Variants in SOS2 observed in about 807,000 individuals in gnomAD.
SOS2 encodes SOS Ras/Rho guanine nucleotide exchange factor 2.
SOS2 carries 65 observed loss-of-function variants against 148.2 expected under a neutral mutation model. That is an observed-to-expected ratio of 0.44 (90% CI 0.36 to 0.54). The LOEUF (loss-of-function observed/expected upper bound fraction) is 0.54. SOS2 is among the 20% of genes least tolerant of loss of function. The probability of loss-of-function intolerance (pLI) is 0.00; values close to 1 mark genes in which losing one functional copy is unlikely to be tolerated. For synonymous variants in SOS2, 539 were observed against 537.1 expected (o/e 1.00, Z -0.05); for missense variants, 1,341 against 1,590.2 (o/e 0.84, Z 2.67).
upstream of SOS2, among the ~76,000 whole-genome samples, chr14:50,231,716 G>A (rs1887557912): frequency 6.6e-6 from 1 of 151,856 alleles, no homozygotes; most frequent in African/African-American, 2.4e-5. Context: ...TCTCCTCATC[G>A]CCTCCTCCCC....
intron 16 of SOS2, among the ~76,000 whole-genome samples, chr14:50,141,288 G>T (rs559056959): frequency 7.9e-5 from 12 of 151,476 alleles, no homozygotes; most frequent in Non-Finnish European, 1.8e-4. Flanking sequence ...GAGATGTTGG[G>T]GTGGGAGAAT....
rs1175960937 is a variant in SOS2, at chr14:50,133,249, C to CTTT, written c.3075+871_3075+873dup. ...GAACTTTTTTTCTTTTTTCTTTTTTCTTTTTTTTTTTTTTTGAGACGGGGT... is the reference window on the plus strand; with the variant it reads ...GAACTTTTTTTCTTTTTTCTTTTTTCTTTTTTTTTTTTTTTTTTGAGACGGGGT... On this transcript the variant is annotated intron_variant, in intron 19 of 22. Transcript: ENST00000216373. Among the ~76,000 whole-genome samples, 115 of 105,586 alleles carry CTTT rather than the reference C, an allele frequency of 1.1e-3. 1 individual carries two copies. Among genetic ancestry groups the CTTT allele is most frequent in the Non-Finnish European group, 1.7e-3 (96 of 57,282 alleles). The allele number at this position is 105,586 out of a possible 152,430, so 69.3% of individuals were successfully genotyped here.
chr14:50,196,357 T>C (rs917751737), intron 4 of SOS2, among the ~76,000 whole-genome samples: 1 of 152,202 alleles, frequency 6.6e-6, no homozygotes, highest in Non-Finnish European at 1.5e-5. Flanking sequence ...AGGCATATAA[T>C]GCACACATCA....
At position 50,212,303 on chromosome 14, in the gene SOS2, G is replaced by A. The variant is rs767646047; in HGVS notation, c.88-7894C>T. ...ATCCTGGCCAACACGGTGAAACCCC[G>A]TCTCTACTAAAAATACAAAAATTAA... On this transcript the variant is annotated intron_variant, in intron 1 of 22. Coordinates refer to ENST00000216373, the MANE Select transcript of SOS2 (RefSeq NM_006939.4). 3.3e-5 allele frequency among the ~76,000 whole-genome samples: 5 copies of A among 152,204 alleles called. No individual in the cohort carries two copies. The East Asian group carries it at 5.8e-4, about 18-fold the overall frequency.
chr14:50,174,613 G>T, intron 7 of SOS2, 61 bp from the exon 8 acceptor site: 1 of 925,992 alleles, frequency 1.1e-6, no homozygotes, highest in Non-Finnish European at 1.7e-6. Context: ...TGCAACAGCA[G>T]TGCCTAACAG....
At chr14:50,199,193 T>C (rs1269813666) in intron 4 of SOS2, among the ~76,000 whole-genome samples, 4 of 152,186 alleles carry the variant, frequency 2.6e-5, no homozygotes, top group Admixed American at 6.5e-5. Flanking sequence ...TAAAGGAATA[T>C]AGAAGAATAT....
intron 8 of SOS2, among the ~76,000 whole-genome samples, chr14:50,169,108 T>C (rs1013482078): frequency 1.3e-5 from 2 of 151,898 alleles, no homozygotes; most frequent in Non-Finnish European, 2.9e-5. Flanking sequence ...GGTCAGGAGT[T>C]TGAGACTAGC....
chr14:50,151,370 A>G (rs567990720), intron 13 of SOS2, among the ~76,000 whole-genome samples: 1 of 152,350 alleles, frequency 6.6e-6, no homozygotes, highest in East Asian at 1.9e-4. Flanking sequence ...CTGATTCAGG[A>G]TTAATTTTAT....
At chr14:50,193,750 G>A (rs577938443) in intron 4 of SOS2, among the ~76,000 whole-genome samples, 2 of 151,772 alleles carry the variant, frequency 1.3e-5, no homozygotes, top group East Asian at 1.9e-4. Context: ...CAAGTCATCG[G>A]GATTTTTTTT....
chr14:50,145,575 A>G lies in SOS2; in HGVS notation c.2406T>C (p.Leu802=). 1 of 1,603,274 alleles carries G rather than the reference A, an allele frequency of 6.2e-7. No individual in the cohort carries two copies. ...CTTCTTTGGTCCACACACTCCCTAC[A>G]AGTTCAGACGGTTGAACTTTCCTAT... is the stretch of plus-strand genomic sequence containing the variant. ...DLYRKVQPSE[L]VGSVWTKEDK... is the part of the protein sequence containing the mutation. The change falls in exon 15 of 23, where the codon CTT becomes CTC. Residue 802 remains leucine (L), a synonymous_variant. Coordinates refer to ENST00000216373, the MANE Select transcript of SOS2 (RefSeq NM_006939.4).
intron 18 of SOS2, among the ~76,000 whole-genome samples, chr14:50,136,941 G>A (rs1884101172): frequency 6.6e-6 from 1 of 152,006 alleles, no homozygotes; most frequent in South Asian, 2.1e-4. Flanking sequence ...TAGGACTTTA[G>A]GGTACTTTGT....
At chr14:50,216,101 GTT>G (rs60210250) in intron 1 of SOS2, among the ~76,000 whole-genome samples, 33 of 139,150 alleles carry the variant, frequency 2.4e-4, no homozygotes, top group South Asian at 1.8e-3. Context: ...GGTTTTTTTT[GTT>G]TTTTTTTTTT....
At position 50,118,385 on chromosome 14, in the gene SOS2, A is replaced by G. The variant is rs950322034; in HGVS notation, c.3958T>C (p.Tyr1320His). The change falls in exon 23 of 23, where the codon TAC becomes CAC. Residue 1320 changes from tyrosine (Y) to histidine (H), a missense_variant. Tyr to His is a moderately conservative substitution (Grantham distance 83). Around this residue, in one of 4 missense-constraint regions of SOS2, gnomAD observed 354 missense variants for 347.7 expected, o/e 1.02. Coordinates refer to ENST00000216373, the MANE Select transcript of SOS2 (RefSeq NM_006939.4). The part of the protein sequence containing the change: ...YKRELSHPPL[Y>H]RLPLLENAET... ...GCATTTTCTAGCAAAGGCAGTCTGT[A>G]CAATGGGGGGTGCGAAAGCTCCCGT... 6 of 1,614,044 alleles carry G rather than the reference A, an allele frequency of 3.7e-6. No homozygotes were observed. Among genetic ancestry groups the G allele is most frequent in the Non-Finnish European group, 5.1e-6 (6 of 1,180,030 alleles).
chr14:50,142,848 TTTTTAA>T, intron 16 of SOS2, among the ~76,000 whole-genome samples: 1 of 152,330 alleles, frequency 6.6e-6, no homozygotes, highest in Middle Eastern at 3.4e-3. Context: ...AGTATGCACA[TTTTTAA>T]TTTTAACATA....
At chr14:50,221,838 T>TAAC (rs972200150) in intron 1 of SOS2, among the ~76,000 whole-genome samples, 6 of 151,998 alleles carry the variant, frequency 3.9e-5, no homozygotes, top group Non-Finnish European at 8.8e-5. Context: ...ACTTTAATAA[T>TAAC]AATAATAATA....
Position 50,130,646 on chromosome 14 carries a change from ACATG to A in SOS2, c.3188_3191del (p.Pro1063LeufsTer3). ...CAGCAATCCGACTAAAGCTTATTTT[ACATG>A]GTTCTCTTTCTAATGGTGTTGGGTG... On this transcript the variant is annotated frameshift_variant, in exon 20 of 23. Transcript: ENST00000216373. LOFTEE classifies it high-confidence loss of function. 3 of 1,614,158 alleles carry A rather than the reference ACATG, an allele frequency of 1.9e-6. No homozygotes were observed. The highest frequency in any genetic ancestry group is 2.5e-6 in the Non-Finnish European group (3 of 1,180,004).
At chr14:50,172,671 CTT>C (rs1885406728) in intron 8 of SOS2, among the ~76,000 whole-genome samples, 1 of 151,950 alleles carries the variant, frequency 6.6e-6, no homozygotes, top group South Asian at 2.1e-4. Flanking sequence ...ACCTGGCTCT[CTT>C]TATTCATTCT....
intron 8 of SOS2, among the ~76,000 whole-genome samples, chr14:50,173,974 A>T (rs10782417): frequency 0.57 from 86,083 of 151,862 alleles, 24,961 homozygotes; most frequent in Middle Eastern, 0.65. Context: ...TTTAAAAAAA[A>T]TTTTCCCCTA....
intron 16 of SOS2, among the ~76,000 whole-genome samples, chr14:50,142,722 A>G (rs918470949): frequency 1.3e-5 from 2 of 152,238 alleles, no homozygotes; most frequent in Admixed American, 1.3e-4. Flanking sequence ...TTACTGATAG[A>G]CATTCAGGTT....
Sources: allele counts gnomAD v4.1 joint callset (sites outside exome capture counted in the v4.1 genomes callset), GRCh38; gene constraint gnomAD v4.1.1; regional missense constraint gnomAD v4.1.1; transcripts MANE v1.5; gene names NCBI Gene and HGNC (gene_info 2026-07-23, HGNC 2026-07-21).